ELAVL2: variants seen among roughly 807,000 people sequenced by gnomAD.
ELAVL2 encodes the protein ELAV-like protein 2.
A neutral mutation model predicts 34.6 loss-of-function variants in ELAVL2; 4 were observed. The observed-to-expected ratio is 0.12, with a 90% confidence interval of 0.06 to 0.26. The LOEUF is 0.26. Among genes scored for constraint, ELAVL2 ranks in the 10% least tolerant of loss-of-function variants. The pLI is 1.00. For missense variants in ELAVL2, 432 were observed against 442.8 expected (o/e 0.98, Z 0.22); for synonymous variants, 193 against 154.8 (o/e 1.25, Z -1.83).
Position 23,762,076 on chromosome 9 carries a change from C to G in ELAVL2, c.159G>C (p.Glu53Asp), listed in dbSNP as rs201863213. Residue 53 changes from glutamate to aspartate, a missense_variant, in exon 2 of 7, where the codon GAG (glutamate) becomes GAC (aspartate). By Grantham distance (45) the Glu-to-Asp change is conservative (BLOSUM62 2). Coordinates refer to ENST00000397312, the MANE Select transcript of ELAVL2 (RefSeq NM_004432.5). Reference protein sequence around the residue: ...VNYLPQNMTQEELKSLFGSIG... With the variant: ...VNYLPQNMTQDELKSLFGSIG... Reference sequence around the variant, plus strand: ...TGCTCCCAAAGAGACTCTTTAGTTCCTCCTGTGTCATGTTCTGAGGAAGGT... The same window carrying G: ...TGCTCCCAAAGAGACTCTTTAGTTCGTCCTGTGTCATGTTCTGAGGAAGGT... 6.2e-7 allele frequency: 1 copy of G among 1,613,418 alleles called. No individual in the cohort carries two copies. The highest frequency in any genetic ancestry group is 1.7e-4 in the Middle Eastern group (1 of 6,054).
At chr9:23,784,123 G>A (rs1357045501) in intron 1 of ELAVL2, among the ~76,000 whole-genome samples, 1 of 152,034 alleles carries the variant, frequency 6.6e-6, no homozygotes, top group Admixed American at 6.5e-5. Context: ...GCGTGAACCT[G>A]GGAGGCAGAG....
chr9:23,733,405 T>A (rs1427997281), intron 2 of ELAVL2, among the ~76,000 whole-genome samples: 1 of 152,160 alleles, frequency 6.6e-6, no homozygotes, highest in Non-Finnish European at 1.5e-5. Flanking sequence ...ACTAGCTTTT[T>A]AAAATCCTGG....
chr9:23,846,998 G>A, the ELAVL2 span, among the ~76,000 whole-genome samples: 22 of 152,032 alleles, frequency 1.4e-4, no homozygotes, highest in African/African-American at 5.1e-4. Context: ...TCAGTTTCTA[G>A]GTGAAATAAA....
At chr9:23,804,506 CCT>C (rs1199213374) in intron 1 of ELAVL2, among the ~76,000 whole-genome samples, 1 of 151,972 alleles carries the variant, frequency 6.6e-6, no homozygotes, top group African/African-American at 2.4e-5. Flanking sequence ...AGATATATAC[CCT>C]GATTAATTTA....
intron 1 of ELAVL2, among the ~76,000 whole-genome samples, chr9:23,791,995 A>G (rs1357073260): frequency 6.6e-6 from 1 of 152,142 alleles, no homozygotes; most frequent in African/African-American, 2.4e-5. Flanking sequence ...ATAGTCCCCA[A>G]CTTACATGGT....
chr9:23,793,710 G>A (rs977099807), intron 1 of ELAVL2, among the ~76,000 whole-genome samples: 92 of 152,226 alleles, frequency 6.0e-4, no homozygotes, highest in African/African-American at 2.2e-3. Flanking sequence ...AATATACTAA[G>A]ATTTCCAACA....
At chr9:23,777,010 T>A in intron 1 of ELAVL2, among the ~76,000 whole-genome samples, 1 of 152,212 alleles carries the variant, frequency 6.6e-6, no homozygotes, top group Admixed American at 6.5e-5. Flanking sequence ...GTTTTCCAGG[T>A]ACCCATTTCC....
chr9:23,725,732 G>A (rs1467697813), intron 3 of ELAVL2, among the ~76,000 whole-genome samples: 2 of 152,076 alleles, frequency 1.3e-5, no homozygotes, highest in African/African-American at 2.4e-5. Context: ...AAGAGTGAAA[G>A]AAGAAGGCAA....
intron 1 of ELAVL2, among the ~76,000 whole-genome samples, chr9:23,785,402 G>C (rs916464142): frequency 3.9e-5 from 6 of 152,200 alleles, no homozygotes; most frequent in Middle Eastern, 3.2e-3. Flanking sequence ...TGAGAATTTT[G>C]ATGAATTTAA....
intron 2 of ELAVL2, among the ~76,000 whole-genome samples, chr9:23,751,181 T>C (rs535869030): frequency 1.3e-5 from 2 of 152,160 alleles, no homozygotes; most frequent in African/African-American, 4.8e-5. Flanking sequence ...CCATACACAT[T>C]TTCCCTACAA....
intron 4 of ELAVL2, among the ~76,000 whole-genome samples, chr9:23,703,952 T>C (rs1481716522): frequency 6.6e-6 from 1 of 151,906 alleles, no homozygotes; most frequent in African/African-American, 2.4e-5. Context: ...TGAAATGGAG[T>C]TTTGCTCTTG....
chr9:23,762,064 A>G lies in ELAVL2; in HGVS notation c.171T>C (p.Ser57=), dbSNP rs1417390618. 6.2e-7 allele frequency: 1 copy of G among 1,613,130 alleles called. No individual in the cohort carries two copies. The highest frequency in any genetic ancestry group is 1.7e-5 in the Admixed American group (1 of 59,942). ...CTATTTCACCAATGCTCCCAAAGAG[A>G]CTCTTTAGTTCCTCCTGTGTCATGT... ...PQNMTQEELK[S]LFGSIGEIES... Residue 57 remains serine, a synonymous_variant, in exon 2 of 7, where the codon AGT becomes AGC. Transcript: ENST00000397312.
At chr9:23,821,102 G>C (rs1239902079) in intron 1 of ELAVL2, 1 of 152,354 alleles carries the variant, frequency 6.6e-6, no homozygotes, top group Non-Finnish European at 1.5e-5. Flanking sequence ...ACACCACCCC[G>C]GCGTGTTCCG....
intron 1 of ELAVL2, among the ~76,000 whole-genome samples, chr9:23,819,081 G>A (rs980754025): frequency 2.6e-5 from 4 of 152,210 alleles, no homozygotes; most frequent in Non-Finnish European, 2.9e-5. Context: ...GGGGTGGCAG[G>A]AGGGGAGGCA....
chr9:23,819,138 G>A (rs554272089), intron 1 of ELAVL2, among the ~76,000 whole-genome samples: 2 of 152,074 alleles, frequency 1.3e-5, no homozygotes, highest in Admixed American at 6.5e-5. Flanking sequence ...AGCCAAGAGC[G>A]GTTGGTTACA....
chr9:23,821,452 C>G (rs930091542), intron 1 of ELAVL2: 1 of 152,308 alleles, frequency 6.6e-6, no homozygotes, highest in Non-Finnish European at 1.5e-5. Flanking sequence ...CCGCCGCCCC[C>G]ACCAGTGTTC....
intron 1 of ELAVL2, among the ~76,000 whole-genome samples, chr9:23,820,962 C>T (rs2064549507): frequency 6.6e-6 from 1 of 152,056 alleles, no homozygotes; most frequent in Non-Finnish European, 1.5e-5. Context: ...ATCATCATTG[C>T]TCCTGCCCTG....
intron 2 of ELAVL2, among the ~76,000 whole-genome samples, chr9:23,759,886 T>C (rs2054562625): frequency 6.6e-6 from 1 of 150,540 alleles, no homozygotes; most frequent in African/African-American, 2.4e-5. Context: ...CAAATATTTT[T>C]AATAGAAATT....
At chr9:23,762,354 T>G in intron 1 of ELAVL2, 105 bp from the exon 2 acceptor site, 1 of 1,440,180 alleles carries the variant, frequency 6.9e-7, no homozygotes, top group Non-Finnish European at 9.4e-7. Context: ...GTCGTTCTAA[T>G]GAAATTACAA....
Sources: gnomAD v4.1 joint callset for allele counts (sites outside exome capture counted in the v4.1 genomes callset) on GRCh38, gnomAD v4.1.1 for gene constraint, MANE v1.5 for transcripts, NCBI Gene and HGNC (gene_info 2026-07-23, HGNC 2026-07-21) for gene names.